The following NRG3 variants were observed in gnomAD, a reference collection of about 807,000 sequenced individuals.
The protein encoded by NRG3 is neuregulin 3.
In NRG3, 31 loss-of-function variants were observed where a neutral mutation model predicts 66.9. That is an observed-to-expected ratio of 0.46 (90% confidence interval 0.35 to 0.63). The LOEUF is 0.63. Ranked by LOEUF, NRG3 falls within the 20% of genes least tolerant of loss-of-function variation. The pLI, the probability that NRG3 is intolerant of heterozygous loss-of-function variation, is 0.00. For synonymous variants in NRG3, 393 were observed against 359.4 expected (o/e 1.09, Z -1.06); for missense variants, 910 against 878.9 (o/e 1.04, Z -0.45).
At chr10:81,990,376 A>G (rs1258573993) in intron 1 of NRG3, among the ~76,000 whole-genome samples, 1 of 152,110 alleles carries the variant, frequency 6.6e-6, no homozygotes, top group Non-Finnish European at 1.5e-5. Flanking sequence ...GAATATTTTT[A>G]TGGTTCATTT....
chr10:81,922,259 A>C (rs1321327084), intron 1 of NRG3, among the ~76,000 whole-genome samples: 1 of 152,144 alleles, frequency 6.6e-6, no homozygotes, highest in Non-Finnish European at 1.5e-5. Flanking sequence ...CTCCTATGAT[A>C]ATGTTTTGTA....
chr10:82,561,339 T>C (rs2045028699), intron 2 of NRG3, among the ~76,000 whole-genome samples: 1 of 152,184 alleles, frequency 6.6e-6, no homozygotes. Flanking sequence ...CCATCATTTT[T>C]ACCTGGCCTT....
intron 1 of NRG3, among the ~76,000 whole-genome samples, chr10:82,168,101 C>G (rs1028892290): frequency 2.0e-5 from 3 of 152,080 alleles, no homozygotes. Context: ...AACAAAATGA[C>G]TATTAATTTA....
intron 1 of NRG3, among the ~76,000 whole-genome samples, chr10:81,953,879 A>G (rs1441467326): frequency 6.6e-6 from 1 of 152,188 alleles, no homozygotes; most frequent in African/African-American, 2.4e-5. Flanking sequence ...TAACATCTCA[A>G]CATTTTTGGT....
intron 1 of NRG3, among the ~76,000 whole-genome samples, chr10:82,149,524 G>A (rs549277687): frequency 3.3e-5 from 5 of 152,134 alleles, no homozygotes; most frequent in African/African-American, 1.2e-4. Flanking sequence ...AGCTTTTCAC[G>A]TTTCTTGGAT....
At position 81,989,052 on chromosome 10, in the gene NRG3, A is replaced by G. The variant is rs77292254; in HGVS notation, c.823+112889A>G. On this transcript the variant is annotated intron_variant, in intron 1 of 8. Transcript: ENST00000372141. Reference sequence around the variant, plus strand: ...AGAAATGAAATTACACTCTCTGTATATTGCAGAGGTAGAATTAATCAAATA... The same window carrying G: ...AGAAATGAAATTACACTCTCTGTATGTTGCAGAGGTAGAATTAATCAAATA... 6.2e-3 allele frequency among the ~76,000 whole-genome samples: 937 copies of G among 152,284 alleles called. 5 individuals carry two copies. The highest frequency in any genetic ancestry group is 0.021 in the African/African-American group (876 of 41,554).
intron 1 of NRG3, among the ~76,000 whole-genome samples, chr10:82,046,269 G>T (rs1273491972): frequency 9.5e-6 from 1 of 105,158 alleles, no homozygotes; most frequent in African/African-American, 3.2e-5. Flanking sequence ...AGTTCTCCTT[G>T]AAGAGGTCCT....
chr10:82,284,241 A>C (rs1026936429), intron 1 of NRG3, among the ~76,000 whole-genome samples: 2 of 152,250 alleles, frequency 1.3e-5, no homozygotes, highest in South Asian at 4.1e-4. Context: ...GCCCTTTGCT[A>C]CAGAGATGGA....
intron 1 of NRG3, among the ~76,000 whole-genome samples, chr10:82,194,230 A>G (rs2133385978): frequency 6.6e-6 from 1 of 152,222 alleles, no homozygotes; most frequent in East Asian, 1.9e-4. Flanking sequence ...TTGAAAAAAA[A>G]ATGAGGTGAG....
At chr10:82,946,897 G>T (rs11196606) in intron 4 of NRG3, among the ~76,000 whole-genome samples, 74,774 of 151,842 alleles carry the variant, frequency 0.49, 18,696 homozygotes, top group Middle Eastern at 0.59. Flanking sequence ...CTGCATATTC[G>T]ACATATTCTT....
intron 2 of NRG3, among the ~76,000 whole-genome samples, chr10:82,484,916 C>T (rs1310538815): frequency 6.6e-6 from 1 of 152,080 alleles, no homozygotes; most frequent in African/African-American, 2.4e-5. Context: ...GTGATTCTGC[C>T]AGCTTTTTCC....
chr10:82,408,723 G>A (rs1002777648), intron 2 of NRG3, among the ~76,000 whole-genome samples: 2 of 150,956 alleles, frequency 1.3e-5, no homozygotes, highest in Admixed American at 1.3e-4. Context: ...GTCCAGGAAA[G>A]CTCTTGGGAA....
chr10:81,906,851 T>C (rs112057628), intron 1 of NRG3, among the ~76,000 whole-genome samples: 2 of 151,924 alleles, frequency 1.3e-5, no homozygotes, highest in African/African-American at 4.8e-5. Flanking sequence ...AAGGAGCGGG[T>C]GTGAGGAGTT....
intron 4 of NRG3, among the ~76,000 whole-genome samples, chr10:82,919,623 A>G (rs1176773923): frequency 6.6e-6 from 1 of 152,196 alleles, no homozygotes. Flanking sequence ...TGGAACCACA[A>G]GCCATTATGA....
intron 2 of NRG3, among the ~76,000 whole-genome samples, chr10:82,481,412 C>T (rs1291804910): frequency 6.6e-6 from 1 of 152,138 alleles, no homozygotes; most frequent in Non-Finnish European, 1.5e-5. Context: ...CCCACACTTC[C>T]TTCCTGTGTG....
At chr10:82,135,793 T>C (rs1258124205) in intron 1 of NRG3, among the ~76,000 whole-genome samples, 1 of 152,158 alleles carries the variant, frequency 6.6e-6, no homozygotes, top group African/African-American at 2.4e-5. Flanking sequence ...TTTTGAATTC[T>C]CTGTCTGAAA....
chr10:82,969,851 T>A (rs539441920), intron 6 of NRG3, among the ~76,000 whole-genome samples: 1 of 152,334 alleles, frequency 6.6e-6, no homozygotes, highest in Non-Finnish European at 1.5e-5. Context: ...GAAAAATATA[T>A]GTACATACAA....
chr10:81,931,100 G>A (rs1043083974), intron 1 of NRG3, among the ~76,000 whole-genome samples: 1 of 152,310 alleles, frequency 6.6e-6, no homozygotes, highest in Non-Finnish European at 1.5e-5. Context: ...AAACTTCCCT[G>A]TTCATTACAT....
chr10:82,408,894 A>G (rs1338715103), intron 2 of NRG3, among the ~76,000 whole-genome samples: 1 of 152,078 alleles, frequency 6.6e-6, no homozygotes, highest in Non-Finnish European at 1.5e-5. Context: ...TCCTAATTCT[A>G]TAAACATGAT....
Sources: allele counts gnomAD v4.1 joint callset (sites outside exome capture counted in the v4.1 genomes callset), GRCh38; gene constraint gnomAD v4.1.1; transcripts MANE v1.5; gene names NCBI Gene and HGNC (gene_info 2026-07-23, HGNC 2026-07-21).